The following TYW1B variants were observed in gnomAD, a reference collection of about 807,000 sequenced individuals.
TYW1B encodes S-adenosyl-L-methionine-dependent tRNA 4-demethylwyosine synthase TYW1B.
In TYW1B, 73 loss-of-function variants were observed where a neutral mutation model predicts 86.9. The observed-to-expected ratio is 0.84, with a 90% CI of 0.70 to 1.02. TYW1B has a LOEUF of 1.02. Ranked by LOEUF, TYW1B falls within the 50% of genes least tolerant of loss-of-function variation. TYW1B has a pLI of 0.00. For missense variants in TYW1B, 637 were observed against 827.4 expected, an observed-to-expected ratio of 0.77 and a Z score of 2.82; for synonymous variants, 248 against 292.8, an observed-to-expected ratio of 0.85 and a Z score of 1.56.
intron 11 of TYW1B, among the ~76,000 whole-genome samples, chr7:72,659,305 G>T (rs528081600): frequency 6.6e-6 from 1 of 152,212 alleles, no homozygotes; most frequent in East Asian, 1.9e-4. Context: ...ATGGCAGGGC[G>T]TGGTGGCTCA....
intron 13 of TYW1B, among the ~76,000 whole-genome samples, chr7:72,607,959 GGA>G (rs1554435182): frequency 6.6e-6 from 1 of 152,134 alleles, no homozygotes; most frequent in East Asian, 1.9e-4. Flanking sequence ...TTGAAAGCAG[GGA>G]GAGAGAAATG....
At chr7:72,604,330 C>T (rs370149742) in intron 13 of TYW1B, among the ~76,000 whole-genome samples, 15 of 151,928 alleles carry the variant, frequency 9.9e-5, no homozygotes, top group Admixed American at 2.0e-4. Context: ...GGCGTGGTGG[C>T]GTGCGCTTGT....
chr7:72,801,895 A>G (rs1554475662), intron 6 of TYW1B, among the ~76,000 whole-genome samples: 2 of 152,168 alleles, frequency 1.3e-5, no homozygotes, highest in African/African-American at 4.8e-5. Flanking sequence ...AATCTCAACC[A>G]TAATAAATCC....
At chr7:72,804,154 G>A (rs868913313) in intron 5 of TYW1B, among the ~76,000 whole-genome samples, 10 of 151,352 alleles carry the variant, frequency 6.6e-5, no homozygotes, top group African/African-American at 1.5e-4. Context: ...GCGTGGTGGC[G>A]TGCGCCTGTA....
At chr7:72,718,567 C>A (rs1405476341) in intron 9 of TYW1B, among the ~76,000 whole-genome samples, 1 of 151,868 alleles carries the variant, frequency 6.6e-6, no homozygotes, top group East Asian at 1.9e-4. Flanking sequence ...GTGATGTCTT[C>A]TTTTATGACT....
intron 13 of TYW1B, among the ~76,000 whole-genome samples, chr7:72,608,003 C>G (rs1811844971): frequency 6.6e-6 from 1 of 152,090 alleles, no homozygotes; most frequent in African/African-American, 2.4e-5. Flanking sequence ...AATCAAATGA[C>G]AAAGGATTTT....
intron 11 of TYW1B, among the ~76,000 whole-genome samples, chr7:72,655,777 TTC>T (rs1813187420): frequency 6.6e-6 from 1 of 152,146 alleles, no homozygotes; most frequent in Non-Finnish European, 1.5e-5. Flanking sequence ...AAAACGTGGT[TTC>T]TCTGGGCATG....
intron 11 of TYW1B, among the ~76,000 whole-genome samples, chr7:72,678,262 A>T (rs1357975122): frequency 6.6e-6 from 1 of 150,904 alleles, no homozygotes; most frequent in East Asian, 1.9e-4. Flanking sequence ...AAAAACAATC[A>T]AAGAGGGATG....
chr7:72,763,276 TC>T (rs374459624), intron 7 of TYW1B, among the ~76,000 whole-genome samples: 4 of 143,322 alleles, frequency 2.8e-5, no homozygotes, highest in Non-Finnish European at 6.0e-5. Context: ...TTTTTTCTTT[TC>T]TTTTCTTTTT....
chr7:72,722,927 A>G lies in TYW1B; in HGVS notation c.1192+5895T>C, dbSNP rs2844091. 196 of 713,754 alleles carry G rather than the reference A, an allele frequency of 2.7e-4. 1 individual carries two copies. Among genetic ancestry groups the G allele is most frequent in the South Asian group, 1.3e-3 (89 of 70,386 alleles). 44.2% of individuals were successfully genotyped at this position (713,754 alleles called of 1,614,324 possible). On this transcript the variant is annotated intron_variant, in intron 9 of 13. Transcript: ENST00000620995. ...CCTTCCACCTGCAGTGGAGTCTTCC[A>G]CACCCAGCGCTTCGACCTTTACCAG... is the stretch of plus-strand genomic sequence containing the variant.
chr7:72,611,818 A>C (rs1315146914), intron 13 of TYW1B, among the ~76,000 whole-genome samples: 1 of 152,138 alleles, frequency 6.6e-6, no homozygotes, highest in African/African-American at 2.4e-5. Context: ...GTCCTGGCGC[A>C]CACTTGGTGC....
Position 72,638,187 on chromosome 7 carries a change from G to T in TYW1B, c.1507-9190C>A, listed in dbSNP as rs1224233844. 2.7e-4 allele frequency among the ~76,000 whole-genome samples: 41 copies of T among 150,384 alleles called. No homozygotes were observed. In the East Asian group the frequency reaches 3.0e-3, roughly 11 times the overall value. On this transcript the variant is annotated intron_variant, in intron 11 of 13. Coordinates refer to ENST00000620995, the MANE Select transcript of TYW1B (RefSeq NM_001145440.3). ...GGAAGGGGGTCCTAATGTGACAAATGTCCCAAACAGTCTAACTACAGACAT... is the reference window on the plus strand; with the variant it reads ...GGAAGGGGGTCCTAATGTGACAAATTTCCCAAACAGTCTAACTACAGACAT...
At chr7:72,770,106 C>T (rs1787840206) in intron 7 of TYW1B, among the ~76,000 whole-genome samples, 1 of 150,502 alleles carries the variant, frequency 6.6e-6, no homozygotes, top group African/African-American at 2.4e-5. Flanking sequence ...TGTTCCCAAT[C>T]ATCAACCATC....
intron 11 of TYW1B, among the ~76,000 whole-genome samples, chr7:72,682,802 G>A (rs767081025): frequency 6.6e-6 from 1 of 152,186 alleles, no homozygotes; most frequent in Non-Finnish European, 1.5e-5. Flanking sequence ...ACAGAGACCA[G>A]CGCCAACACA....
At chr7:72,653,332 C>A (rs183696027) in intron 11 of TYW1B, among the ~76,000 whole-genome samples, 1 of 152,106 alleles carries the variant, frequency 6.6e-6, no homozygotes, top group East Asian at 1.9e-4. Context: ...AGAGGGCGGG[C>A]GCAGTGGCTC....
chr7:72,660,419 G>A (rs1554444292), intron 11 of TYW1B, among the ~76,000 whole-genome samples: 1 of 151,990 alleles, frequency 6.6e-6, no homozygotes, highest in African/African-American at 2.4e-5. Flanking sequence ...GCAGCAGCAT[G>A]GCTGTTCCAA....
chr7:72,626,585 T>C (rs1250438561), intron 12 of TYW1B, among the ~76,000 whole-genome samples: 1 of 152,196 alleles, frequency 6.6e-6, no homozygotes, highest in Non-Finnish European at 1.5e-5. Flanking sequence ...CCTGGTTTCC[T>C]GTATCTCAGC....
intron 11 of TYW1B, among the ~76,000 whole-genome samples, chr7:72,661,358 T>C (rs1813326727): frequency 1.3e-5 from 2 of 151,732 alleles, no homozygotes; most frequent in South Asian, 2.1e-4. Context: ...CTGGGTTTCT[T>C]GAGCCCAGTG....
chr7:72,813,195 G>A (rs1173224926), intron 3 of TYW1B, among the ~76,000 whole-genome samples: 5 of 118,968 alleles, frequency 4.2e-5, no homozygotes, highest in African/African-American at 1.7e-4. Flanking sequence ...TTTTTTTTGA[G>A]ACAGAGATTT....
Sources: allele counts gnomAD v4.1 joint callset (sites outside exome capture counted in the v4.1 genomes callset), GRCh38; gene constraint gnomAD v4.1.1; transcripts MANE v1.5; gene names NCBI Gene and HGNC (gene_info 2026-07-23, HGNC 2026-07-21).